Variants in FAF1 observed in about 807,000 individuals in gnomAD.
FAF1 encodes FAS-associated factor 1.
A neutral mutation model predicts 92.5 loss-of-function variants in FAF1; 25 were observed. That is an observed-to-expected ratio of 0.27 (90% CI 0.20 to 0.38). The LOEUF is 0.38. Ranked by LOEUF, FAF1 falls within the 10% of genes least tolerant of loss-of-function variation. FAF1 has a pLI of 1.00. For missense variants in FAF1, 636 were observed against 793.3 expected (o/e 0.80, Z 2.38); for synonymous variants, 234 against 273.2 (o/e 0.86, Z 1.42).
At chr1:50,756,803 C>T (rs889117764) in intron 4 of FAF1, among the ~76,000 whole-genome samples, 1 of 152,168 alleles carries the variant, frequency 6.6e-6, no homozygotes, top group African/African-American at 2.4e-5. Context: ...GAAACTCCTC[C>T]TTATAAAATC....
chr1:50,794,239 T>A (rs1661664540), intron 3 of FAF1, among the ~76,000 whole-genome samples: 1 of 151,818 alleles, frequency 6.6e-6, no homozygotes, highest in Non-Finnish European at 1.5e-5. Context: ...TTCCCAACAA[T>A]AAATAAGAAA....
chr1:50,448,695 C>T (rs1248472349), intron 18 of FAF1, among the ~76,000 whole-genome samples: 2 of 152,228 alleles, frequency 1.3e-5, no homozygotes, highest in African/African-American at 2.4e-5. Context: ...CAGCAAGCCC[C>T]TTGGCTGCTT....
chr1:50,732,656 A>G (rs1435767769), intron 6 of FAF1, among the ~76,000 whole-genome samples: 1 of 152,164 alleles, frequency 6.6e-6, no homozygotes, highest in Non-Finnish European at 1.5e-5. Context: ...TAAACAACAT[A>G]TGGCTATTTT....
chr1:50,614,424 A>T (rs971587343), intron 8 of FAF1, among the ~76,000 whole-genome samples: 19 of 152,226 alleles, frequency 1.2e-4, no homozygotes, highest in Non-Finnish European at 2.4e-4. Flanking sequence ...GGGAAAAAAA[A>T]GAATGTTTAT....
chr1:50,746,708 G>A (rs548631411), intron 4 of FAF1, among the ~76,000 whole-genome samples: 3 of 152,072 alleles, frequency 2.0e-5, no homozygotes, highest in Admixed American at 6.6e-5. Context: ...AAATTCAAGC[G>A]GGCTGCAGAA....
Position 50,630,318 on chromosome 1 carries a change from T to C in FAF1, c.744+25124A>G, listed in dbSNP as rs551379150. On this transcript the variant is annotated intron_variant, in intron 8 of 18. Coordinates refer to ENST00000396153, the MANE Select transcript of FAF1 (RefSeq NM_007051.3). ...GCGATTTTAGTGCTCACTTCAAAAC[T>C]TGTGATGTCATACTGTAAAAGGCTA... is the stretch of plus-strand genomic sequence containing the variant. Among the ~76,000 whole-genome samples, 61 of 152,310 alleles carry C rather than the reference T, an allele frequency of 4.0e-4. 1 individual carries two copies. The South Asian group carries it at 6.6e-3, about 17-fold the overall frequency.
At chr1:50,925,263 C>T (rs1158588352) in intron 1 of FAF1, among the ~76,000 whole-genome samples, 1 of 152,064 alleles carries the variant, frequency 6.6e-6, no homozygotes, top group Non-Finnish European at 1.5e-5. Context: ...TATAAAACTG[C>T]TGGGTGGAAT....
At chr1:50,791,432 A>C (rs1249311679) in intron 3 of FAF1, among the ~76,000 whole-genome samples, 1 of 152,222 alleles carries the variant, frequency 6.6e-6, no homozygotes, top group Non-Finnish European at 1.5e-5. Context: ...GTTTCCTGTT[A>C]GATTCTACCA....
At chr1:50,573,234 G>C (rs1238117214) in intron 12 of FAF1, among the ~76,000 whole-genome samples, 1 of 151,914 alleles carries the variant, frequency 6.6e-6, no homozygotes, top group African/African-American at 2.4e-5. Context: ...GAGTAGCTGA[G>C]ATTGCAGGCA....
At chr1:50,780,340 A>AT (rs1168315088) in intron 4 of FAF1, 3 of 153,640 alleles carry the variant, frequency 2.0e-5, no homozygotes, top group Non-Finnish European at 4.4e-5. Context: ...AGAAGGAAAT[A>AT]TAGCTGCCAA....
chr1:50,849,674 T>C (rs1325811924), intron 2 of FAF1, among the ~76,000 whole-genome samples: 1 of 152,138 alleles, frequency 6.6e-6, no homozygotes, highest in African/African-American at 2.4e-5. Context: ...CTATATAGAC[T>C]ACTAACCTCT....
chr1:50,955,345 A>G (rs1366297810), intron 1 of FAF1, among the ~76,000 whole-genome samples: 1 of 152,206 alleles, frequency 6.6e-6, no homozygotes. Flanking sequence ...AACCCAGGAA[A>G]TTCCTTTACA....
rs942286728 is a variant in FAF1 at position 50,691,250 on chromosome 1, CT to C, written c.657+14535del. ...CCAATACAACACTTGTCACTGTCAC[CT>C]TTTTTTTTTTCCAGACAGTTTCACT... is the stretch of plus-strand genomic sequence containing the variant. On this transcript the variant is annotated intron_variant, in intron 7 of 18. Coordinates refer to ENST00000396153, the MANE Select transcript of FAF1 (RefSeq NM_007051.3). Among the ~76,000 whole-genome samples, 920 of 147,244 alleles carry C rather than the reference CT, an allele frequency of 6.2e-3. 6 individuals carry two copies. The highest frequency in any genetic ancestry group is 0.01 in the Non-Finnish European group (683 of 66,366).
intron 1 of FAF1, among the ~76,000 whole-genome samples, chr1:50,892,633 C>G (rs1305917563): frequency 6.6e-6 from 1 of 152,138 alleles, no homozygotes; most frequent in African/African-American, 2.4e-5. Context: ...TCTTTGATCT[C>G]TGGGAGTTTG....
At chr1:50,481,644 T>C (rs1236666444) in intron 17 of FAF1, among the ~76,000 whole-genome samples, 3 of 152,160 alleles carry the variant, frequency 2.0e-5, no homozygotes, top group Non-Finnish European at 2.9e-5. Context: ...GATACAAGAC[T>C]ATATCATTTT....
At chr1:50,939,441 T>G (rs919808822) in intron 1 of FAF1, among the ~76,000 whole-genome samples, 2 of 152,234 alleles carry the variant, frequency 1.3e-5, no homozygotes, top group Admixed American at 6.5e-5. Flanking sequence ...GCTAAAATTG[T>G]TTAACAGTTC....
At chr1:50,879,430 TACAA>T (rs1336061641) in intron 1 of FAF1, among the ~76,000 whole-genome samples, 4 of 152,190 alleles carry the variant, frequency 2.6e-5, no homozygotes, top group Admixed American at 2.6e-4. Flanking sequence ...CTAGTATATG[TACAA>T]ACAATTAGCT....
At chr1:50,911,104 AC>A in intron 1 of FAF1, among the ~76,000 whole-genome samples, 1 of 151,562 alleles carries the variant, frequency 6.6e-6, no homozygotes, top group East Asian at 2.0e-4. Flanking sequence ...ACAGAGTCTC[AC>A]TCTGTCACTC....
At chr1:50,469,722 T>G (rs1377016784) in intron 18 of FAF1, among the ~76,000 whole-genome samples, 1 of 152,000 alleles carries the variant, frequency 6.6e-6, no homozygotes, top group Non-Finnish European at 1.5e-5. Context: ...TAGGTTTAAT[T>G]TGGGCTATGA....
Sources: gnomAD v4.1 joint callset for allele counts (sites outside exome capture counted in the v4.1 genomes callset) on GRCh38, gnomAD v4.1.1 for gene constraint, MANE v1.5 for transcripts, NCBI Gene and HGNC (gene_info 2026-07-23, HGNC 2026-07-21) for gene names.